Variants in WDR25 observed in about 807,000 individuals in gnomAD.
The protein encoded by WDR25 is WD repeat-containing protein 25.
A neutral mutation model predicts 47.7 loss-of-function variants in WDR25; 35 were observed. That is an observed-to-expected ratio of 0.73 (90% confidence interval 0.56 to 0.97). The LOEUF (loss-of-function observed/expected upper bound fraction) is 0.97. Ranked by LOEUF, WDR25 falls within the 50% of genes least tolerant of loss-of-function variation. WDR25 has a pLI of 0.00. For missense variants in WDR25, 634 were observed against 704.7 expected, an observed-to-expected ratio of 0.90 and a Z score of 1.14; for synonymous variants, 248 against 278.9, an observed-to-expected ratio of 0.89 and a Z score of 1.10.
At chr14:100,476,135 T>C (rs1321196379) in intron 3 of WDR25, among the ~76,000 whole-genome samples, 4 of 152,216 alleles carry the variant, frequency 2.6e-5, no homozygotes, top group Non-Finnish European at 4.4e-5. Flanking sequence ...CCACCTTTTG[T>C]GGTCCTGAGT....
chr14:100,378,724 C>T lies in WDR25; in HGVS notation c.-15-2186C>T, dbSNP rs1405575865. On this transcript the variant is annotated intron_variant, in intron 1 of 6. Coordinates refer to ENST00000402312, the MANE Select transcript of WDR25 (RefSeq NM_001161476.3). ...CTGTAATCCCAGCACTTTGGGAGGC[C>T]GAGGCGGGCGGATCACGAGGTCAGG... is the stretch of plus-strand genomic sequence containing the variant. Among the ~76,000 whole-genome samples, 5 of 25,246 alleles carry T rather than the reference C, an allele frequency of 2.0e-4. 2 individuals carry two copies. The highest frequency in any genetic ancestry group is 1.2e-3 in the Admixed American group (5 of 4,148). 16.6% of individuals were successfully genotyped at this position (25,246 alleles called of 152,430 possible). A position where few individuals can be genotyped will look rare whatever the true frequency, so the allele number is the denominator to read the frequency against.
intron 2 of WDR25, among the ~76,000 whole-genome samples, chr14:100,464,861 C>T (rs1899568694): frequency 6.7e-6 from 1 of 149,934 alleles, no homozygotes; most frequent in Non-Finnish European, 1.5e-5. Context: ...CCCATCTACT[C>T]TCCCCTACCC....
At chr14:100,521,832 T>C (rs2029883895) in intron 4 of WDR25, among the ~76,000 whole-genome samples, 1 of 152,216 alleles carries the variant, frequency 6.6e-6, no homozygotes, top group Non-Finnish European at 1.5e-5. Context: ...GTTATTTTGC[T>C]CAAAGTTGTC....
intron 4 of WDR25, among the ~76,000 whole-genome samples, chr14:100,511,525 CCT>C (rs1354220833): frequency 4.0e-5 from 6 of 151,378 alleles, no homozygotes; most frequent in Non-Finnish European, 7.4e-5. Flanking sequence ...CTATCTCTAT[CCT>C]CTCTCTCTCT....
At position 100,529,208 on chromosome 14, in the gene WDR25, G is replaced by A. The variant is rs754324340; in HGVS notation, c.1413G>A (p.Lys471=). 1.2e-6 allele frequency: 2 copies of A among 1,613,264 alleles called. No individual in the cohort carries two copies. Among genetic ancestry groups the A allele is most frequent in the Non-Finnish European group, 1.7e-6 (2 of 1,179,810 alleles). Residue 471 remains lysine, a splice_region_variant and synonymous_variant, in exon 6 of 7, where the codon AAG becomes AAA. Transcript: ENST00000402312. This position sits in a 1 kb window ranked among gnomAD's most constrained non-coding sequence, Gnocchi z 5.1. ...GACGGCGGCGCTATGAAGGGCACAA[G>A]GTACTTCTGTCCTTGTCCCCCAGGC... ...MSRRRRYEGH[K]VEGYSVGCEC...
At chr14:100,379,098 G>C (rs543658730) in intron 1 of WDR25, among the ~76,000 whole-genome samples, 23 of 150,342 alleles carry the variant, frequency 1.5e-4, no homozygotes, top group Non-Finnish European at 2.4e-4. Flanking sequence ...GACGTCTTTT[G>C]ATTTCAGTAT....
In WDR25 at chr14:100,381,377, A is replaced by G. The variant is rs754349400; in HGVS notation, c.453A>G (p.Gln151=). 3 of 1,614,120 alleles carry G rather than the reference A, an allele frequency of 1.9e-6. No homozygotes were observed. Among genetic ancestry groups the G allele is most frequent in the Non-Finnish European group, 2.5e-6 (3 of 1,180,030 alleles). Residue 151 remains glutamine, a synonymous_variant, in exon 2 of 7, where the codon CAA becomes CAG. Coordinates refer to ENST00000402312, the MANE Select transcript of WDR25 (RefSeq NM_001161476.3). ...TTCCCAAGTCATCTTTCCATGCTCAAAGTGAGTCTGAAACCGTAGGTAAAA... is the reference window on the plus strand; with the variant it reads ...TTCCCAAGTCATCTTTCCATGCTCAGAGTGAGTCTGAAACCGTAGGTAAAA... ...RNFPKSSFHA[Q]SESETVGKNG...
chr14:100,392,884 T>C lies in WDR25; in HGVS notation c.822+11138T>C, dbSNP rs1566887284. Among the ~76,000 whole-genome samples the C allele has an allele frequency of 6.6e-6, 1 of 152,252 alleles. No homozygotes were observed. Among genetic ancestry groups the C allele is most frequent in the Non-Finnish European group, 1.5e-5 (1 of 68,050 alleles). The stretch of plus-strand genomic sequence containing the variant: ...TTTCTTTCGGATTGATTCCCAGAAG[T>C]GGGACTGCTGGGTCAAAGGGTTGTA... On this transcript the variant is annotated intron_variant, in intron 2 of 6. Transcript: ENST00000402312. The surrounding 1 kb of genome is among the most constrained non-coding windows in gnomAD (Gnocchi z 4.2).
At chr14:100,389,726 G>C (rs1457450794) in intron 2 of WDR25, among the ~76,000 whole-genome samples, 1 of 152,214 alleles carries the variant, frequency 6.6e-6, no homozygotes, top group East Asian at 1.9e-4. Flanking sequence ...TGAAATGCAG[G>C]GAGGACCAGA....
At chr14:100,487,340 A>G (rs1228073766) in intron 4 of WDR25, among the ~76,000 whole-genome samples, 3 of 152,260 alleles carry the variant, frequency 2.0e-5, no homozygotes, top group African/African-American at 7.2e-5. Context: ...GACAGAGACC[A>G]GCAGTCAGCA....
intron 2 of WDR25, among the ~76,000 whole-genome samples, chr14:100,398,942 G>A (rs1185373649): frequency 6.6e-6 from 1 of 150,786 alleles, no homozygotes; most frequent in Non-Finnish European, 1.5e-5. Context: ...TTCAAGACTT[G>A]CTTCCTAGTT....
chr14:100,410,714 A>G (rs565154852), intron 2 of WDR25, among the ~76,000 whole-genome samples: 5 of 151,952 alleles, frequency 3.3e-5, no homozygotes, highest in African/African-American at 1.2e-4. Flanking sequence ...TGTTCACTTT[A>G]TACTTGGGTC....
chr14:100,499,724 G>A lies in WDR25; in HGVS notation c.1101+15600G>A, dbSNP rs1045843241. On this transcript the variant is annotated intron_variant, in intron 4 of 6. Transcript: ENST00000402312. This position sits in a 1 kb window ranked among gnomAD's most constrained non-coding sequence, Gnocchi z 4.4. ...AGTGGGGCTGGGAGATAGAGCAGAC[G>A]GGCCACAAGAGGCCTCCTTCCTTCC... 1.1e-4 allele frequency among the ~76,000 whole-genome samples: 16 copies of A among 152,190 alleles called. No homozygotes were observed. Among genetic ancestry groups the A allele is most frequent in the African/African-American group, 3.9e-4 (16 of 41,508 alleles).
At chr14:100,501,212 G>A (rs1900911441) in intron 4 of WDR25, among the ~76,000 whole-genome samples, 1 of 142,940 alleles carries the variant, frequency 7.0e-6, no homozygotes, top group African/African-American at 3.1e-5. Context: ...AGTGCAGCTG[G>A]CGAGCCCAAC....
intron 2 of WDR25, among the ~76,000 whole-genome samples, chr14:100,401,803 C>G (rs1264773308): frequency 1.3e-5 from 2 of 152,218 alleles, no homozygotes; most frequent in East Asian, 3.9e-4. Context: ...CTGGGTGGCT[C>G]TGCACGTGTC....
chr14:100,473,549 C>G (rs1363651826), intron 3 of WDR25, among the ~76,000 whole-genome samples: 1 of 152,234 alleles, frequency 6.6e-6, no homozygotes, highest in African/African-American at 2.4e-5. Context: ...AGAAGGAGTG[C>G]TCCAGACTCA....
intron 3 of WDR25, among the ~76,000 whole-genome samples, chr14:100,474,313 C>T (rs1899946980): frequency 6.6e-6 from 1 of 152,230 alleles, no homozygotes; most frequent in African/African-American, 2.4e-5. Flanking sequence ...CATTACAACA[C>T]CATGCCAGCC....
chr14:100,429,957 G>T (rs895358435), intron 2 of WDR25, among the ~76,000 whole-genome samples: 1 of 152,140 alleles, frequency 6.6e-6, no homozygotes, highest in East Asian at 1.9e-4. Context: ...ATCTCCAAGT[G>T]CAGCCACCTG....
intron 2 of WDR25, chr14:100,454,416 G>A: frequency 2.3e-6 from 3 of 1,287,256 alleles, no homozygotes; most frequent in Non-Finnish European, 3.0e-6. Flanking sequence ...TTTAATTACT[G>A]CAAAACAGAT....
Sources: allele counts gnomAD v4.1 joint callset (sites outside exome capture counted in the v4.1 genomes callset), GRCh38; gene constraint gnomAD v4.1.1; non-coding constraint Gnocchi (gnomAD v3.1); transcripts MANE v1.5; gene names NCBI Gene and HGNC (gene_info 2026-07-23, HGNC 2026-07-21).